The following ATG5 variants were observed in gnomAD, a reference collection of about 807,000 sequenced individuals.
ATG5 encodes autophagy protein 5.
ATG5 carries 14 observed loss-of-function variants against 36.5 expected under a neutral mutation model. The ratio of observed to expected loss-of-function variants is 0.38; its 90% CI spans 0.25 to 0.60. The LOEUF (loss-of-function observed/expected upper bound fraction) is 0.60, where lower values mean the gene tolerates loss of function less well. ATG5 is among the 20% of genes least tolerant of loss of function. ATG5 has a pLI of 0.60. For synonymous variants in ATG5, 95 were observed against 101.5 expected, an observed-to-expected ratio of 0.94 and a Z score of 0.38; for missense variants, 195 against 326.7, an observed-to-expected ratio of 0.60 and a Z score of 3.11.
intron 2 of ATG5, among the ~76,000 whole-genome samples, chr6:106,315,613 GTGTGTA>G (rs1770814730): frequency 6.6e-6 from 1 of 152,018 alleles, no homozygotes; most frequent in Admixed American, 6.6e-5. Flanking sequence ...CGTATCGTGT[GTGTGTA>G]TGTGTGCATG....
In ATG5 at chr6:106,308,377, T is replaced by C. The variant is rs748058789; in HGVS notation, c.223A>G (p.Thr75Ala). ...ISEIWFEYEGTPLKWHYPIGL... is the reference protein window; with the variant it reads ...ISEIWFEYEGAPLKWHYPIGL... ...AAATTCACTCACCATTTCAGTGGTG[T>C]GCCTTCATATTCAAACCATATCTCA... The change falls in exon 3 of 8, where the codon ACA (threonine) becomes GCA (alanine). Residue 75 changes from threonine to alanine, a missense_variant. Physicochemically the swap from Thr to Ala is moderately conservative, Grantham distance 58. Transcript: ENST00000369076. 1.9e-6 allele frequency: 3 copies of C among 1,574,714 alleles called. No individual in the cohort carries two copies. The highest frequency in any genetic ancestry group is 2.6e-6 in the Non-Finnish European group (3 of 1,165,580).
At chr6:106,312,359 G>A (rs1393226374) in intron 2 of ATG5, among the ~76,000 whole-genome samples, 1 of 151,974 alleles carries the variant, frequency 6.6e-6, no homozygotes, top group East Asian at 1.9e-4. Context: ...TTTTTTGGGG[G>A]GAAAGCTGAT....
intron 5 of ATG5, among the ~76,000 whole-genome samples, chr6:106,276,586 C>T (rs1367257250): frequency 2.0e-5 from 3 of 152,174 alleles, no homozygotes; most frequent in Non-Finnish European, 4.4e-5. Context: ...ATCCTCCATA[C>T]CCAATCTTCC....
chr6:106,244,212 T>C (rs1778245759), intron 6 of ATG5, among the ~76,000 whole-genome samples: 2 of 152,210 alleles, frequency 1.3e-5, no homozygotes, highest in Non-Finnish European at 2.9e-5. Flanking sequence ...ATAACACTGC[T>C]AGGTTGTTTC....
At chr6:106,237,205 A>C (rs1489902523) in intron 6 of ATG5, among the ~76,000 whole-genome samples, 2 of 152,236 alleles carry the variant, frequency 1.3e-5, no homozygotes, top group African/African-American at 4.8e-5. Flanking sequence ...ACATAAAAAG[A>C]AAATTTTAAA....
chr6:106,268,820 G>A (rs891831811), intron 5 of ATG5, among the ~76,000 whole-genome samples: 1 of 151,802 alleles, frequency 6.6e-6, no homozygotes, highest in Non-Finnish European at 1.5e-5. Flanking sequence ...AGTGGGAGCT[G>A]AACAACAAGA....
chr6:106,192,330 T>C (rs868831397), intron 7 of ATG5, among the ~76,000 whole-genome samples: 1 of 152,130 alleles, frequency 6.6e-6, no homozygotes, highest in Non-Finnish European at 1.5e-5. Flanking sequence ...TGTGATAAAT[T>C]TGAGTTCTAA....
chr6:106,224,006 A>G (rs975056135), intron 6 of ATG5, among the ~76,000 whole-genome samples: 1 of 152,258 alleles, frequency 6.6e-6, no homozygotes, highest in Non-Finnish European at 1.5e-5. Context: ...GAAATGTTTC[A>G]AAAACAGACT....
At chr6:106,196,624 C>T (rs1330198470) in intron 7 of ATG5, among the ~76,000 whole-genome samples, 2 of 151,658 alleles carry the variant, frequency 1.3e-5, no homozygotes, top group African/African-American at 4.9e-5. Flanking sequence ...CTTGCGTGAC[C>T]GAAGCACAAG....
chr6:106,259,957 AG>A (rs1365046301), intron 5 of ATG5, among the ~76,000 whole-genome samples: 1 of 152,192 alleles, frequency 6.6e-6, no homozygotes, highest in Non-Finnish European at 1.5e-5. Context: ...TGTCCTTTGC[AG>A]GGACATGGAT....
At chr6:106,273,885 A>C (rs1163516530) in intron 5 of ATG5, among the ~76,000 whole-genome samples, 1 of 152,228 alleles carries the variant, frequency 6.6e-6, no homozygotes, top group Non-Finnish European at 1.5e-5. Flanking sequence ...AAATGTCGTG[A>C]CTTGTTATAA....
At chr6:106,313,388 G>A (rs1029771809) in intron 2 of ATG5, among the ~76,000 whole-genome samples, 3 of 152,192 alleles carry the variant, frequency 2.0e-5, no homozygotes, top group Non-Finnish European at 4.4e-5. Context: ...CCTGACTAAG[G>A]ATACATAAAC....
chr6:106,294,368 T>C (rs1030221809), intron 3 of ATG5, among the ~76,000 whole-genome samples: 1 of 151,956 alleles, frequency 6.6e-6, no homozygotes, highest in African/African-American at 2.4e-5. Context: ...GCTTATGGGA[T>C]AGCCCTGCAC....
At chr6:106,262,443 A>C (rs1042719612) in intron 5 of ATG5, among the ~76,000 whole-genome samples, 5 of 152,320 alleles carry the variant, frequency 3.3e-5, no homozygotes, top group Admixed American at 1.3e-4. Context: ...ATCTACAGAA[A>C]GGTGGTAAGA....
At chr6:106,294,810 T>C (rs908888275) in intron 3 of ATG5, among the ~76,000 whole-genome samples, 6 of 141,432 alleles carry the variant, frequency 4.2e-5, no homozygotes, top group Non-Finnish European at 1.5e-5. Context: ...GCCACTGCAC[T>C]CCAGCCTGGA....
chr6:106,221,164 T>C (rs904502634), intron 6 of ATG5, among the ~76,000 whole-genome samples: 2 of 152,220 alleles, frequency 1.3e-5, no homozygotes, highest in African/African-American at 2.4e-5. Flanking sequence ...TTATCAGAGT[T>C]GACAATTCTT....
At chr6:106,231,280 A>G (rs565349682) in intron 6 of ATG5, among the ~76,000 whole-genome samples, 8 of 152,256 alleles carry the variant, frequency 5.3e-5, no homozygotes, top group African/African-American at 1.7e-4. Flanking sequence ...ATGGAGAGAT[A>G]TAATGTTACT....
At chr6:106,288,319 G>A (rs1377250846) in intron 4 of ATG5, among the ~76,000 whole-genome samples, 1 of 151,934 alleles carries the variant, frequency 6.6e-6, no homozygotes, top group Non-Finnish European at 1.5e-5. Context: ...TAAAAAACTG[G>A]GGACACAGAA....
chr6:106,280,737 C>CATT (rs1007023356), intron 4 of ATG5, among the ~76,000 whole-genome samples: 2 of 151,898 alleles, frequency 1.3e-5, no homozygotes, highest in Non-Finnish European at 2.9e-5. Flanking sequence ...TTGAGGTAAA[C>CATT]ATTATTATTA....
Sources: allele counts gnomAD v4.1 joint callset (sites outside exome capture counted in the v4.1 genomes callset), GRCh38; gene constraint gnomAD v4.1.1; transcripts MANE v1.5; gene names NCBI Gene and HGNC (gene_info 2026-07-23, HGNC 2026-07-21).